Variants in SLK observed in about 807,000 individuals in gnomAD.
SLK encodes STE20-like serine/threonine-protein kinase.
SLK carries 67 observed loss-of-function variants against 147.7 expected under a neutral mutation model. That is an observed-to-expected ratio of 0.45 (90% CI 0.37 to 0.56). The LOEUF (loss-of-function observed/expected upper bound fraction) is 0.56, where lower values mean the gene tolerates loss of function less well. Among genes scored for constraint, SLK ranks in the 20% least tolerant of loss-of-function variants. The pLI is 0.00. For synonymous variants in SLK, 441 were observed against 475.0 expected (o/e 0.93, Z 0.93); for missense variants, 1,136 against 1,438.8 (o/e 0.79, Z 3.41).
intron 4 of SLK, among the ~76,000 whole-genome samples, chr10:103,996,771 T>C (rs181510998): frequency 1.7e-3 from 266 of 152,296 alleles, no homozygotes; most frequent in South Asian, 6.6e-3. Flanking sequence ...TCTGGAGTTA[T>C]AGATCTGAGC....
intron 13 of SLK, among the ~76,000 whole-genome samples, chr10:104,011,294 G>T (rs1844396859): frequency 6.6e-6 from 1 of 152,166 alleles, no homozygotes; most frequent in Non-Finnish European, 1.5e-5. Flanking sequence ...CAAAAAGTAT[G>T]CCCATTAAAA....
chr10:103,993,111 C>T lies in SLK; in HGVS notation c.492C>T (p.Thr164=). 6.2e-7 allele frequency: 1 copy of T among 1,606,466 alleles called. No homozygotes were observed. Among genetic ancestry groups the T allele is most frequent in the Admixed American group, 1.7e-5 (1 of 59,202 alleles). The change falls in exon 4 of 19, where the codon ACC becomes ACT. Residue 164 remains threonine, a synonymous_variant. Transcript: ENST00000369755. ...TGAAGGCTGGCAACATTCTCTTTAC[C>T]TTAGATGGAGATATCAAATTGGGTA... ...RDLKAGNILF[T]LDGDIKLADF...
At chr10:103,982,671 G>A (rs983518530) in intron 1 of SLK, among the ~76,000 whole-genome samples, 1 of 152,162 alleles carries the variant, frequency 6.6e-6, no homozygotes, top group Non-Finnish European at 1.5e-5. Flanking sequence ...AAGTTTACTT[G>A]TAGTCCTAAA....
Position 104,001,523 on chromosome 10 carries a change from T to C in SLK, c.944T>C (p.Val315Ala), listed in dbSNP as rs762306317. 1 of 1,613,938 alleles carries C rather than the reference T, an allele frequency of 6.2e-7. No individual in the cohort carries two copies. Among genetic ancestry groups the C allele is most frequent in the Non-Finnish European group, 8.5e-7 (1 of 1,179,862 alleles). The change falls in exon 8 of 19, where the codon GTT becomes GCT. Residue 315 changes from valine to alanine, a missense_variant. Val to Ala is a moderately conservative substitution (Grantham distance 64). Transcript: ENST00000369755. ...AEAKAEVTEE[V>A]EDGKEEDEEE... ...GCGAAGGCTGAAGTAACAGAAGAAGTTGAAGATGGCAAAGAGGAAGATGAA... is the reference window on the plus strand; with the variant it reads ...GCGAAGGCTGAAGTAACAGAAGAAGCTGAAGATGGCAAAGAGGAAGATGAA...
At chr10:104,005,854 G>C (rs796446153) in intron 10 of SLK, 58 bp from the exon 11 acceptor site, 1 of 1,545,516 alleles carries the variant, frequency 6.5e-7, no homozygotes, top group African/African-American at 1.4e-5. Context: ...AAAAAAAAAC[G>C]TATTTCAGAA....
At chr10:103,995,423 C>CTTTTTTTTTTTTT (rs756975426) in intron 4 of SLK, among the ~76,000 whole-genome samples, 10 of 67,694 alleles carry the variant, frequency 1.5e-4, no homozygotes, top group Non-Finnish European at 1.9e-4. Context: ...TCTTTCTTTT[C>CTTTTTTTTTTTTT]TTTTTTTTTT....
intron 12 of SLK, among the ~76,000 whole-genome samples, chr10:104,009,751 G>A (rs377714492): frequency 8.6e-5 from 13 of 151,922 alleles, no homozygotes; most frequent in Admixed American, 3.9e-4. Context: ...GTTTGAGATC[G>A]TGATATGCAT....
intron 1 of SLK, among the ~76,000 whole-genome samples, chr10:103,970,524 ACT>A (rs752666025): frequency 1.3e-4 from 20 of 151,964 alleles, no homozygotes; most frequent in Admixed American, 5.2e-4. Context: ...TCATTTCACT[ACT>A]CTCTGCTTCT....
intron 4 of SLK, among the ~76,000 whole-genome samples, chr10:103,994,577 T>G (rs1051838620): frequency 5.3e-5 from 8 of 152,126 alleles, no homozygotes; most frequent in African/African-American, 1.7e-4. Context: ...AAATTAGTTC[T>G]TTAGGGCCAA....
At chr10:103,985,147 G>A (rs541289357) in intron 1 of SLK, among the ~76,000 whole-genome samples, 100 of 152,132 alleles carry the variant, frequency 6.6e-4, no homozygotes, top group African/African-American at 2.2e-3. Flanking sequence ...GTCTCTTACC[G>A]TGCCTAATTT....
rs1310548498 is a variant in SLK, at chr10:104,026,179, T to C, written c.*459T>C. 1 of 153,002 alleles carries C rather than the reference T, an allele frequency of 6.5e-6. No individual in the cohort carries two copies. The highest frequency in any genetic ancestry group is 1.5e-5 in the Non-Finnish European group (1 of 68,328). The allele number at this position is 153,002 out of a possible 1,614,324, so 9.5% of individuals were successfully genotyped here. A position where few individuals can be genotyped will look rare whatever the true frequency, so the allele number is the denominator to read the frequency against. ...TGGATCAGCTCTCATAAAAAAGCTA[T>C]GATTTGCTCAAATATGCTGTTGACT... On this transcript the variant is annotated 3_prime_UTR_variant, in exon 19 of 19. Transcript: ENST00000369755.
At chr10:103,978,666 CTG>C (rs1843901547) in intron 1 of SLK, among the ~76,000 whole-genome samples, 1 of 152,036 alleles carries the variant, frequency 6.6e-6, no homozygotes, top group Admixed American at 6.5e-5. Flanking sequence ...TTTTATATCC[CTG>C]TGTTTCTTAC....
rs190665032 is a variant in SLK at position 104,023,839 on chromosome 10, A to G, written c.3562-1735A>G. Among the ~76,000 whole-genome samples, 11 of 152,360 alleles carry G rather than the reference A, an allele frequency of 7.2e-5. No individual in the cohort carries two copies. In the East Asian group the frequency reaches 1.2e-3, roughly 16 times the overall value. ...TGCCATGATCGCTTCATTTATTGAT[A>G]TGTACCCAGTTTCTAGAACAGTTCC... On this transcript the variant is annotated intron_variant, in intron 18 of 18. Coordinates refer to ENST00000369755, the MANE Select transcript of SLK (RefSeq NM_014720.4).
intron 13 of SLK, among the ~76,000 whole-genome samples, chr10:104,017,241 T>C (rs1057129241): frequency 6.6e-6 from 1 of 152,246 alleles, no homozygotes; most frequent in African/African-American, 2.4e-5. Flanking sequence ...CAAATTTTCT[T>C]GATAGATTTA....
In SLK at chr10:104,027,672, A is replaced by T. The variant is rs1315421371; in HGVS notation, c.*1952A>T. The T allele has an allele frequency of 6.6e-6, 1 of 152,308 alleles. No homozygotes were observed. The highest frequency in any genetic ancestry group is 1.5e-5 in the Non-Finnish European group (1 of 68,016). The allele number at this position is 152,308 out of a possible 1,614,324, so 9.4% of individuals were successfully genotyped here. A position where few individuals can be genotyped will look rare whatever the true frequency, so the allele number is the denominator to read the frequency against. ...CTCCTTTGAAATTTTCAGTTTATTG[A>T]CTTTTAAAAAATGAATACCTCAGGC... is the stretch of plus-strand genomic sequence containing the variant. On this transcript the variant is annotated 3_prime_UTR_variant, in exon 19 of 19. Coordinates refer to ENST00000369755, the MANE Select transcript of SLK (RefSeq NM_014720.4).
At chr10:103,982,045 T>A (rs1234065065) in intron 1 of SLK, among the ~76,000 whole-genome samples, 2 of 150,870 alleles carry the variant, frequency 1.3e-5, no homozygotes, top group Non-Finnish European at 1.5e-5. Flanking sequence ...ATCTCCTTGG[T>A]TAAGTTAATT....
At chr10:104,017,915 A>G (rs1844484999) in intron 13 of SLK, among the ~76,000 whole-genome samples, 1 of 152,240 alleles carries the variant, frequency 6.6e-6, no homozygotes, top group African/African-American at 2.4e-5. Flanking sequence ...AGTGGGCTAT[A>G]TGCTTATTCT....
chr10:103,993,491 CA>C (rs1844127117), intron 4 of SLK, among the ~76,000 whole-genome samples: 1 of 152,056 alleles, frequency 6.6e-6, no homozygotes, highest in Non-Finnish European at 1.5e-5. Context: ...ACTGCTAACT[CA>C]GTTTTTTCTT....
chr10:104,005,212 GA>G (rs915202841), intron 9 of SLK, among the ~76,000 whole-genome samples: 73 of 151,352 alleles, frequency 4.8e-4, no homozygotes, highest in Admixed American at 7.2e-4. Flanking sequence ...TTGAAAAGAT[GA>G]AAAAAAAGGA....
Sources: gnomAD v4.1 joint callset for allele counts (sites outside exome capture counted in the v4.1 genomes callset) on GRCh38, gnomAD v4.1.1 for gene constraint, MANE v1.5 for transcripts, NCBI Gene and HGNC (gene_info 2026-07-23, HGNC 2026-07-21) for gene names.